The following GPAM variants were observed in gnomAD, a reference collection of about 807,000 sequenced individuals.
The protein encoded by GPAM is glycerol-3-phosphate acyltransferase, mitochondrial, also known as glycerol-3-phosphate acyltransferase 1, mitochondrial.
GPAM carries 56 observed loss-of-function variants against 105.0 expected under a neutral mutation model. The ratio of observed to expected loss-of-function variants is 0.53; its 90% CI spans 0.43 to 0.67. GPAM has a LOEUF of 0.67. Ranked by LOEUF, GPAM falls within the 30% of genes least tolerant of loss-of-function variation. GPAM has a pLI of 0.00. For missense variants in GPAM, 855 were observed against 989.8 expected (o/e 0.86, Z 1.83); for synonymous variants, 368 against 354.4 (o/e 1.04, Z -0.43).
chr10:112,185,571 GACACACAC>G (rs55812271), upstream of GPAM, among the ~76,000 whole-genome samples: 2,105 of 143,622 alleles, frequency 0.015, 24 homozygotes, highest in African/African-American at 0.034. Flanking sequence ...CACACACACA[GACACACAC>G]ACACACACAC....
In GPAM at chr10:112,168,837, T is replaced by C. The variant is rs1335381425; in HGVS notation, c.894+16A>G. 7.0e-7 allele frequency: 1 copy of C among 1,437,880 alleles called. No homozygotes were observed. The highest frequency in any genetic ancestry group is 1.7e-4 in the Middle Eastern group (1 of 5,754). 89.1% of individuals were successfully genotyped at this position (1,437,880 alleles called of 1,614,324 possible). A position where few individuals can be genotyped will look rare whatever the true frequency, so the allele number is the denominator to read the frequency against. On this transcript the variant is annotated intron_variant, in intron 10 of 21. Transcript: ENST00000348367. ...CCAACACAATGTCCCTAAGGATAAT[T>C]AGAGATCACACATACCCCATGGAGC...
the GPAM span, among the ~76,000 whole-genome samples, chr10:112,221,674 T>C: frequency 2.6e-5 from 4 of 151,264 alleles, no homozygotes; most frequent in South Asian, 6.2e-4. Context: ...CAATCTGTCA[T>C]TGTATACCCC....
intron 1 of GPAM, among the ~76,000 whole-genome samples, chr10:112,209,763 A>G (rs553797199): frequency 1.3e-5 from 2 of 152,332 alleles, no homozygotes; most frequent in East Asian, 1.9e-4. Context: ...GTTCATTTCT[A>G]TGGCAACCAT....
chr10:112,162,723 C>T (rs542060611), intron 14 of GPAM, among the ~76,000 whole-genome samples: 4 of 151,934 alleles, frequency 2.6e-5, no homozygotes, highest in Admixed American at 2.6e-4. Flanking sequence ...GAAAGCTGCA[C>T]AATACAAAAC....
At position 112,152,251 on chromosome 10, in the gene GPAM, A is replaced by G. The variant is rs1846932657; in HGVS notation, c.*1299T>C. On this transcript the variant is annotated 3_prime_UTR_variant, in exon 22 of 22. Transcript: ENST00000348367. ...CTGTTAGAAAACGTTTTAACATTAC[A>G]TGATATTTAAAAAATCACCATAATT... 2 of 977,214 alleles carry G rather than the reference A, an allele frequency of 2.0e-6. No individual in the cohort carries two copies. The highest frequency in any genetic ancestry group is 1.8e-5 in the African/African-American group (1 of 56,938). 60.5% of individuals were successfully genotyped at this position (977,214 alleles called of 1,614,324 possible). A position where few individuals can be genotyped will look rare whatever the true frequency, so the allele number is the denominator to read the frequency against.
Position 112,180,458 on chromosome 10 carries a change from C to G in GPAM, c.225+15G>C. On this transcript the variant is annotated intron_variant, in intron 4 of 21. Transcript: ENST00000348367. ...TATGCTGAGTATTAGGGTCAATAAG[C>G]AGTAAGGTTCTTACCCAGCTCTGGG... 6.2e-7 allele frequency: 1 copy of G among 1,612,776 alleles called. No individual in the cohort carries two copies. The highest frequency in any genetic ancestry group is 1.3e-5 in the African/African-American group (1 of 75,008).
At chr10:112,212,059 G>A (rs760437261) in intron 1 of GPAM, among the ~76,000 whole-genome samples, 21 of 152,102 alleles carry the variant, frequency 1.4e-4, no homozygotes, top group African/African-American at 3.4e-4. Flanking sequence ...CAGGTGCCCC[G>A]TCTTGCCTAA....
At chr10:112,224,788 T>C in the GPAM span, among the ~76,000 whole-genome samples, 2 of 152,068 alleles carry the variant, frequency 1.3e-5, no homozygotes, top group African/African-American at 4.8e-5. Flanking sequence ...TAGATGAATC[T>C]TTGCCATTTG....
intron 1 of GPAM, among the ~76,000 whole-genome samples, chr10:112,214,571 C>A (rs1173801718): frequency 2.0e-5 from 3 of 152,136 alleles, no homozygotes; most frequent in Non-Finnish European, 4.4e-5. Flanking sequence ...AGAAAACAAC[C>A]CTGAGTAGGG....
intron 14 of GPAM, among the ~76,000 whole-genome samples, chr10:112,162,806 T>C (rs1847146076): frequency 6.6e-6 from 1 of 152,178 alleles, no homozygotes; most frequent in African/African-American, 2.4e-5. Flanking sequence ...GCTGTCTATT[T>C]CATCTTTATT....
At chr10:112,172,911 C>G in intron 8 of GPAM, 59 bp downstream of exon 8, 2 of 924,068 alleles carry the variant, frequency 2.2e-6, no homozygotes, top group Non-Finnish European at 3.6e-6. Context: ...CCACAAGAAC[C>G]CTAAAACCAC....
At chr10:112,222,918 C>T in the GPAM span, among the ~76,000 whole-genome samples, 1 of 152,072 alleles carries the variant, frequency 6.6e-6, no homozygotes, top group African/African-American at 2.4e-5. Flanking sequence ...AGAGAACCTT[C>T]TGCAGGTGCC....
At chr10:112,160,132 G>T in intron 16 of GPAM, 79 bp from the exon 17 acceptor site, 1 of 1,344,380 alleles carries the variant, frequency 7.4e-7, no homozygotes. Context: ...ATAACCTTAA[G>T]AGATTATTAA....
intron 14 of GPAM, 26 bp from the exon 15 acceptor site, chr10:112,161,763 T>C (rs1244625772): frequency 6.3e-7 from 1 of 1,590,886 alleles, no homozygotes; most frequent in Non-Finnish European, 8.6e-7. Flanking sequence ...AAAGCTTTTT[T>C]TAGTTGCACT....
rs147342708 is a variant in GPAM at position 112,167,642 on chromosome 10, T to C, written c.1107+670A>G. Among the ~76,000 whole-genome samples the C allele has an allele frequency of 5.0e-3, 761 of 152,270 alleles. 10 individuals carry two copies. Among genetic ancestry groups the C allele is most frequent in the African/African-American group, 0.015 (630 of 41,552 alleles). On this transcript the variant is annotated intron_variant, in intron 11 of 21. Transcript: ENST00000348367. ...CCACATGTTATCCAATTTACGTAAG[T>C]GCAAAAATATGCAAAACTAACCCAG...
chr10:112,183,865 G>C (rs1036661735), upstream of GPAM: 1 of 152,314 alleles, frequency 6.6e-6, no homozygotes, highest in Non-Finnish European at 1.5e-5. Context: ...AGCGTGAGCG[G>C]ATCCGAGGGT....
At position 112,167,754 on chromosome 10, in the gene GPAM, G is replaced by A. The variant is rs563315737; in HGVS notation, c.1107+558C>T. Among the ~76,000 whole-genome samples the A allele has an allele frequency of 7.9e-5, 12 of 152,358 alleles. No individual in the cohort carries two copies. The South Asian group carries it at 2.5e-3, about 32-fold the overall frequency. On this transcript the variant is annotated intron_variant, in intron 11 of 21. Coordinates refer to ENST00000348367, the MANE Select transcript of GPAM (RefSeq NM_001244949.2). ...GGGTTTCAAAGGTCCTGGTAATATT[G>A]TTCCTTGATCTGGGTGCTAGTTGCA...
upstream of GPAM, among the ~76,000 whole-genome samples, chr10:112,185,294 CAG>C (rs1389101880): frequency 1.3e-5 from 2 of 151,400 alleles, no homozygotes; most frequent in African/African-American, 4.9e-5. Context: ...GGAATCCAAA[CAG>C]AATTATCAGG....
At chr10:112,165,221 CCCATTTTTCTCCTTCT>C (rs1398100156) in intron 12 of GPAM, among the ~76,000 whole-genome samples, 6 of 152,170 alleles carry the variant, frequency 3.9e-5, no homozygotes, top group Admixed American at 3.9e-4. Flanking sequence ...TACTTCTGTA[CCCATTTTTCTCCTTCT>C]CCTTTACAAT....
Sources: gnomAD v4.1 joint callset for allele counts (sites outside exome capture counted in the v4.1 genomes callset) on GRCh38, gnomAD v4.1.1 for gene constraint, MANE v1.5 for transcripts, NCBI Gene and HGNC (gene_info 2026-07-23, HGNC 2026-07-21) for gene names.